TMEM132B: variants seen among roughly 807,000 people sequenced by gnomAD.
TMEM132B encodes the protein transmembrane protein 132B.
In TMEM132B, 18 loss-of-function variants were observed where a neutral mutation model predicts 90.8. The observed-to-expected ratio is 0.20, with a 90% CI of 0.14 to 0.29. TMEM132B has a LOEUF of 0.29. TMEM132B is among the 10% of genes least tolerant of loss of function. TMEM132B has a pLI of 1.00. For missense variants in TMEM132B, 1,096 were observed against 1,326.8 expected (o/e 0.83, Z 2.70); for synonymous variants, 504 against 523.3 (o/e 0.96, Z 0.50).
intron 4 of TMEM132B, among the ~76,000 whole-genome samples, chr12:125,576,970 T>C (rs1232778027): frequency 1.3e-5 from 2 of 151,552 alleles, no homozygotes; most frequent in African/African-American, 2.4e-5. Context: ...GCCTTTCTTT[T>C]TTTTTTTTTA....
At chr12:125,358,249 G>A (rs1270291494) in intron 2 of TMEM132B, among the ~76,000 whole-genome samples, 2 of 151,778 alleles carry the variant, frequency 1.3e-5, no homozygotes, top group African/African-American at 4.8e-5. Flanking sequence ...TTTTCATTTT[G>A]TTTTACTTTT....
chr12:125,387,084 T>C (rs1878858462), intron 2 of TMEM132B, among the ~76,000 whole-genome samples: 2 of 150,916 alleles, frequency 1.3e-5, no homozygotes, highest in South Asian at 2.1e-4. Flanking sequence ...TTATCCATGA[T>C]CTTGATTGAC....
intron 4 of TMEM132B, among the ~76,000 whole-genome samples, chr12:125,571,572 C>A (rs912329377): frequency 1.3e-5 from 2 of 152,228 alleles, no homozygotes; most frequent in African/African-American, 2.4e-5. Context: ...CTTACCACAT[C>A]CTGCATCTTT....
chr12:125,368,643 C>G (rs547475099), intron 2 of TMEM132B, among the ~76,000 whole-genome samples: 1 of 152,302 alleles, frequency 6.6e-6, no homozygotes, highest in South Asian at 2.1e-4. Flanking sequence ...GCTCTGCTTC[C>G]TGATATGTCT....
chr12:125,413,326 ATCT>A (rs1159442678), intron 2 of TMEM132B, among the ~76,000 whole-genome samples: 27 of 151,052 alleles, frequency 1.8e-4, no homozygotes. Flanking sequence ...TTTTTCCCCC[ATCT>A]TCTTTTTTGT....
chr12:125,482,148 G>A (rs1488494779), intron 3 of TMEM132B, among the ~76,000 whole-genome samples: 6 of 151,986 alleles, frequency 3.9e-5, no homozygotes, highest in Non-Finnish European at 4.4e-5. Context: ...AACCATAAAA[G>A]CCCTAGAAGA....
intron 1 of TMEM132B, among the ~76,000 whole-genome samples, chr12:125,229,639 A>G (rs1203555037): frequency 6.6e-6 from 1 of 152,230 alleles, no homozygotes; most frequent in Non-Finnish European, 1.5e-5. Flanking sequence ...CACTGAAAAA[A>G]TCAAGGCACA....
chr12:125,475,012 A>G (rs1881833115), intron 3 of TMEM132B, among the ~76,000 whole-genome samples: 2 of 152,208 alleles, frequency 1.3e-5, no homozygotes, highest in South Asian at 4.1e-4. Flanking sequence ...AGTTAGCCCC[A>G]CCTGAACCAT....
At chr12:125,370,321 C>T (rs1878254811) in intron 2 of TMEM132B, among the ~76,000 whole-genome samples, 1 of 152,194 alleles carries the variant, frequency 6.6e-6, no homozygotes, top group South Asian at 2.1e-4. Flanking sequence ...CACAAGATAG[C>T]CGCTGCAGTT....
intron 3 of TMEM132B, among the ~76,000 whole-genome samples, chr12:125,464,726 T>C (rs1049051257): frequency 2.0e-5 from 3 of 152,256 alleles, no homozygotes; most frequent in African/African-American, 7.2e-5. Context: ...TTGTAATTTC[T>C]TGAAGTTACT....
intron 5 of TMEM132B, among the ~76,000 whole-genome samples, chr12:125,589,307 C>A (rs1885258232): frequency 6.6e-6 from 1 of 151,832 alleles, no homozygotes; most frequent in East Asian, 1.9e-4. Context: ...ACGGTGAAAC[C>A]CTGTCTCTAC....
intron 1 of TMEM132B, among the ~76,000 whole-genome samples, chr12:125,231,237 G>GTA (rs367938574): frequency 0.044 from 6,558 of 148,600 alleles, 904 homozygotes; most frequent in African/African-American, 0.098. Flanking sequence ...GTGTGTGTGT[G>GTA]TATATCTGTG....
rs187451711 is a variant in TMEM132B, at chr12:125,326,505, T to C, written c.68-22947T>C. 1.1e-4 allele frequency: 128 copies of C among 1,187,302 alleles called. No homozygotes were observed. In the Admixed American group the frequency reaches 2.5e-3, roughly 23 times the overall value. 73.5% of individuals were successfully genotyped at this position (1,187,302 alleles called of 1,614,324 possible). A position where few individuals can be genotyped will look rare whatever the true frequency, so the allele number is the denominator to read the frequency against. On this transcript the variant is annotated intron_variant, in intron 1 of 8. Transcript: ENST00000682704. ...CTGACATTCCGTTGTCCTGGCAACC[T>C]GTATAGTAAACATCGGCTTAATGCT...
chr12:125,200,809 A>G (rs1039926128), intron 1 of TMEM132B, among the ~76,000 whole-genome samples: 7 of 152,236 alleles, frequency 4.6e-5, no homozygotes, highest in African/African-American at 1.4e-4. Flanking sequence ...GCCCAAGAGT[A>G]GCTTCTTGAG....
intron 1 of TMEM132B, among the ~76,000 whole-genome samples, chr12:125,262,590 C>T (rs1475602959): frequency 1.3e-5 from 2 of 152,148 alleles, no homozygotes; most frequent in Non-Finnish European, 2.9e-5. Context: ...TCTTGTCTAC[C>T]CTACATTGAG....
chr12:125,406,311 G>A lies in TMEM132B; in HGVS notation c.960-9220G>A, dbSNP rs1345320082. 2.0e-5 allele frequency among the ~76,000 whole-genome samples: 3 copies of A among 152,220 alleles called. No homozygotes were observed. The highest frequency in any genetic ancestry group is 4.4e-5 in the Non-Finnish European group (3 of 68,038). On this transcript the variant is annotated intron_variant, in intron 2 of 8. Coordinates refer to ENST00000682704, the MANE Select transcript of TMEM132B (RefSeq NM_001366854.1). The surrounding 1 kb of genome is among the most constrained non-coding windows in gnomAD (Gnocchi z 8.3). ...TCATGTGGAAAATGGAAGCAGAAGC[G>A]ATACTACCCCTGCGGGGTTGCACGA... is the stretch of plus-strand genomic sequence containing the variant.
intron 4 of TMEM132B, among the ~76,000 whole-genome samples, chr12:125,560,831 CAAAAAAA>C (rs58083131): frequency 1.0e-4 from 3 of 29,258 alleles, no homozygotes; most frequent in East Asian, 2.0e-3. Context: ...GACTCTGTCT[CAAAAAAA>C]AAAAAAAAAA....
At position 125,267,408 on chromosome 12, in the gene TMEM132B, T is replaced by C. The variant is rs7963194; in HGVS notation, c.67+80542T>C. On this transcript the variant is annotated intron_variant, in intron 1 of 8. Coordinates refer to ENST00000682704, the MANE Select transcript of TMEM132B (RefSeq NM_001366854.1). The stretch of plus-strand genomic sequence containing the variant: ...TGTCCCAAAGTCTGGAAATGAGCCA[T>C]GCAGGCACTGTCAGCTGCAAGAAGA... 1.2e-4 allele frequency among the ~76,000 whole-genome samples: 18 copies of C among 152,326 alleles called. No homozygotes were observed. In the South Asian group the frequency reaches 3.7e-3, roughly 32 times the overall value.
rs143535250 is a variant in TMEM132B at position 125,297,613 on chromosome 12, C to G, written c.68-51839C>G. 1.5e-3 allele frequency among the ~76,000 whole-genome samples: 223 copies of G among 152,340 alleles called. 1 individual carries two copies. The highest frequency in any genetic ancestry group is 5.1e-3 in the African/African-American group (212 of 41,566). ...AAAGGTGGACCTCACTTCCCTGCAG[C>G]TAGGTAAGTGGAAGCAAGAATTGAG... On this transcript the variant is annotated intron_variant, in intron 1 of 8. Transcript: ENST00000682704.
Sources: gnomAD v4.1 joint callset for allele counts (sites outside exome capture counted in the v4.1 genomes callset) on GRCh38, gnomAD v4.1.1 for gene constraint, Gnocchi (gnomAD v3.1) non-coding constraint, MANE v1.5 for transcripts, NCBI Gene and HGNC (gene_info 2026-07-23, HGNC 2026-07-21) for gene names.